Variants in CLSTN3 observed in about 807,000 individuals in gnomAD.
The protein encoded by CLSTN3 is calsyntenin 3.
Under a neutral mutation model 95.9 loss-of-function variants are expected in CLSTN3, and 36 were observed. That is an observed-to-expected ratio of 0.38 (90% CI 0.29 to 0.50). CLSTN3 has a LOEUF of 0.50. Among genes scored for constraint, CLSTN3 ranks in the 20% least tolerant of loss-of-function variants. The probability of loss-of-function intolerance (pLI) is 0.95; values close to 1 mark genes in which losing one functional copy is unlikely to be tolerated. For synonymous variants in CLSTN3, 481 were observed against 504.0 expected (o/e 0.95, Z 0.61); for missense variants, 1,084 against 1,268.8 (o/e 0.85, Z 2.21).
At chr12:7,135,708 A>G in intron 4 of CLSTN3, 96 bp from the exon 5 acceptor site, 11 of 1,468,438 alleles carry the variant, frequency 7.5e-6, no homozygotes, top group Non-Finnish European at 1.0e-5. Flanking sequence ...CCTGCTGCCT[A>G]ACCTGCCTGC....
Position 7,136,167 on chromosome 12 carries a change from TTC to T in CLSTN3, c.743-32_743-31del, listed in dbSNP as rs377400039. 9.6e-4 allele frequency: 1,528 copies of T among 1,596,046 alleles called. 24 individuals are homozygous for T. In the South Asian group the frequency reaches 0.016, roughly 17 times the overall value. On this transcript the variant is annotated intron_variant, in intron 5 of 17. Transcript: ENST00000266546. ...ATGGAGAGGGGAGGCTGCTTTACCCTTCTCTCTCCCCATCACCCTCTCTGTCT... is the reference window on the plus strand; with the variant it reads ...ATGGAGAGGGGAGGCTGCTTTACCCTTCTCTCCCCATCACCCTCTCTGTCT...
At chr12:7,136,594 A>G (rs1939427484) in intron 6 of CLSTN3, among the ~76,000 whole-genome samples, 1 of 152,194 alleles carries the variant, frequency 6.6e-6, no homozygotes, top group South Asian at 2.1e-4. Context: ...CCAGACAGTC[A>G]CCGGATGCAT....
rs11054494 is a variant in CLSTN3 at position 7,136,592 on chromosome 12, T to A, written c.928+201T>A. Among the ~76,000 whole-genome samples the A allele has an allele frequency of 2.7e-3, 407 of 152,330 alleles. 17 individuals are homozygous for A. The East Asian group carries it at 0.075, about 28-fold the overall frequency. On this transcript the variant is annotated intron_variant, in intron 6 of 17. Transcript: ENST00000266546. ...GATGCATAGTCATCGCACCAGACAG[T>A]CACCGGATGCATGGTGGAACAATGG...
chr12:7,156,727 G>A (rs964899311), intron 16 of CLSTN3: 1 of 456,682 alleles, frequency 2.2e-6, no homozygotes, highest in Non-Finnish European at 4.4e-6. Context: ...TGAACGCACC[G>A]TTCTGTGTCT....
At chr12:7,130,347 T>A, upstream of CLSTN3, 44 of 1,111,786 alleles carry the variant, frequency 4.0e-5, no homozygotes, top group East Asian at 2.2e-4. Flanking sequence ...GCCCCATCAA[T>A]CGTTGCCCGG....
Position 7,141,369 on chromosome 12 carries a change from G to A in CLSTN3, c.1451G>A (p.Arg484Lys). ...AATGGCCTCATCCACCCACCCCGAA[G>A]GGAGCCTGCTCTCATGATTGGGGCC... is the stretch of plus-strand genomic sequence containing the variant. ...HDNGLIHPPR[R>K]EPALMIGACW... The change falls in exon 9 of 18, where the codon AGG becomes AAG. Residue 484 changes from arginine to lysine, a missense_variant. Coordinates refer to ENST00000266546, the MANE Select transcript of CLSTN3 (RefSeq NM_014718.4). This position sits in a 1 kb window ranked among gnomAD's most constrained non-coding sequence, Gnocchi z 4.1. 1.2e-6 allele frequency: 2 copies of A among 1,614,186 alleles called. No individual in the cohort carries two copies. Among genetic ancestry groups the A allele is most frequent in the South Asian group, 1.1e-5 (1 of 91,084 alleles).
chr12:7,141,928 G>A lies in CLSTN3; in HGVS notation c.1487-158G>A, dbSNP rs747146877. On this transcript the variant is annotated intron_variant, in intron 9 of 17. Coordinates refer to ENST00000266546, the MANE Select transcript of CLSTN3 (RefSeq NM_014718.4). The surrounding 1 kb of genome is among the most constrained non-coding windows in gnomAD (Gnocchi z 4.1). ...ACATGACAAAAGAAGGGTTGGGGCT[G>A]AGCTGAGAGGTTGCAAGTTATACAT... Among the ~76,000 whole-genome samples the A allele has an allele frequency of 5.4e-4, 83 of 152,300 alleles. No individual in the cohort carries two copies. Among genetic ancestry groups the A allele is most frequent in the African/African-American group, 1.9e-3 (81 of 41,554 alleles).
At chr12:7,131,355 G>A in intron 1 of CLSTN3, 1 of 230,736 alleles carries the variant, frequency 4.3e-6, no homozygotes, top group South Asian at 6.1e-5. Flanking sequence ...AGAGGGCTCA[G>A]GTAGGTGGAA....
At position 7,135,934 on chromosome 12, in the gene CLSTN3, C is replaced by G. The variant is rs759876732; in HGVS notation, c.723C>G (p.Thr241=). 9 of 1,611,138 alleles carry G rather than the reference C, an allele frequency of 5.6e-6. No homozygotes were observed. In the East Asian group the frequency reaches 2.0e-4, roughly 36 times the overall value. The part of the protein sequence containing the change: ...DAEVEIQVKP[T]CKPSWQGWNK... ...AGGTGGAGATTCAGGTGAAGCCCAC[C>G]TGTAAACCCAGCTGGCAAGGTGAGA... is the stretch of plus-strand genomic sequence containing the variant. Residue 241 remains threonine, a synonymous_variant, in exon 5 of 18, where the codon ACC becomes ACG. Coordinates refer to ENST00000266546, the MANE Select transcript of CLSTN3 (RefSeq NM_014718.4).
In CLSTN3 at chr12:7,131,059, A is replaced by G. The variant is rs1004683694; in HGVS notation, c.64+347A>G. ...GGGAAGGACTGCCCCCGAGCCGGTGATAGGCCTCTCCCCGCGGCTCTCCCT... is the reference window on the plus strand; with the variant it reads ...GGGAAGGACTGCCCCCGAGCCGGTGGTAGGCCTCTCCCCGCGGCTCTCCCT... On this transcript the variant is annotated intron_variant, in intron 1 of 17. Transcript: ENST00000266546. The G allele has an allele frequency of 5.5e-5, 24 of 439,166 alleles. No individual in the cohort carries two copies. In the East Asian group the frequency reaches 1.1e-3, roughly 20 times the overall value. 27.2% of individuals were successfully genotyped at this position (439,166 alleles called of 1,614,324 possible).
In CLSTN3 at chr12:7,157,955, G is replaced by T; in HGVS notation, c.2745G>T (p.Arg915=). ...CTGCCCTCCAGTCCTACCAGAATCG[G>T]CAGTCCTGTGTGACGGGGGCTGTTG... ...IVNPMESYQN[R]QSCVTGAVGG... The change falls in exon 18 of 18, where the codon CGG becomes CGT. Residue 915 remains arginine (R), a synonymous_variant. Coordinates refer to ENST00000266546, the MANE Select transcript of CLSTN3 (RefSeq NM_014718.4). This position sits in a 1 kb window ranked among gnomAD's most constrained non-coding sequence, Gnocchi z 5.9. 2.6e-6 allele frequency: 4 copies of T among 1,551,096 alleles called. No homozygotes were observed. The highest frequency in any genetic ancestry group is 3.5e-6 in the Non-Finnish European group (4 of 1,146,940).
At chr12:7,153,845 C>A (rs1370113308) in intron 16 of CLSTN3, among the ~76,000 whole-genome samples, 2 of 152,166 alleles carry the variant, frequency 1.3e-5, no homozygotes, top group Non-Finnish European at 2.9e-5. Flanking sequence ...AGGAGCCCAG[C>A]ACCTTCTCCC....
Position 7,135,522 on chromosome 12 carries a change from C to A in CLSTN3, c.579C>A (p.Leu193=). 1.2e-5 allele frequency: 19 copies of A among 1,614,142 alleles called. No individual in the cohort carries two copies. Among genetic ancestry groups the A allele is most frequent in the Non-Finnish European group, 1.6e-5 (19 of 1,180,014 alleles). The change falls in exon 4 of 18, where the codon CTC becomes CTA. Residue 193 remains leucine, a synonymous_variant. Coordinates refer to ENST00000266546, the MANE Select transcript of CLSTN3 (RefSeq NM_014718.4). The part of the protein sequence containing the change: ...YEILTPNTPF[L]IDNDGNIENT... ...TTCTCACACCCAACACCCCTTTCCT[C>A]ATTGACAATGACGGTGAGTCCACCC...
chr12:7,151,418 C>G (rs1274627919), intron 16 of CLSTN3, among the ~76,000 whole-genome samples: 2 of 152,138 alleles, frequency 1.3e-5, no homozygotes, highest in African/African-American at 4.8e-5. Flanking sequence ...GTGAAACTAT[C>G]AAGTATTTAC....
intron 12 of CLSTN3, among the ~76,000 whole-genome samples, chr12:7,147,090 C>T (rs965055541): frequency 3.3e-5 from 5 of 152,134 alleles, no homozygotes; most frequent in South Asian, 4.1e-4. Context: ...AAATCATTTC[C>T]GCTAGCACCA....
At chr12:7,144,714 G>A (rs1355180569) in intron 12 of CLSTN3, among the ~76,000 whole-genome samples, 2 of 152,170 alleles carry the variant, frequency 1.3e-5, no homozygotes, top group South Asian at 2.1e-4. Flanking sequence ...TGAGCTATAT[G>A]AAGATAAACA....
intron 12 of CLSTN3, among the ~76,000 whole-genome samples, chr12:7,147,621 C>A (rs777208142): frequency 6.6e-6 from 1 of 150,636 alleles, no homozygotes; most frequent in Admixed American, 6.6e-5. Context: ...CTCAAGTGTT[C>A]CTTCCACCTC....
chr12:7,137,859 G>A lies in CLSTN3; in HGVS notation c.1211-96G>A. 1.3e-6 allele frequency: 1 copy of A among 751,972 alleles called. No individual in the cohort carries two copies. The highest frequency in any genetic ancestry group is 2.2e-6 in the Non-Finnish European group (1 of 460,848). The allele number at this position is 751,972 out of a possible 1,614,324, so 46.6% of individuals were successfully genotyped here. On this transcript the variant is annotated intron_variant, in intron 7 of 17. Coordinates refer to ENST00000266546, the MANE Select transcript of CLSTN3 (RefSeq NM_014718.4). This position sits in a 1 kb window ranked among gnomAD's most constrained non-coding sequence, Gnocchi z 4.4. ...GCTAGAGAACGAGGGAATGAGAGAG[G>A]ATTAAGAGAATCCAACATCCTCTCC...
chr12:7,132,937 G>C (rs764216346), intron 1 of CLSTN3, 87 bp from the exon 2 acceptor site: 5 of 1,582,522 alleles, frequency 3.2e-6, no homozygotes, highest in Non-Finnish European at 4.3e-6. Context: ...GTGCTGGGGT[G>C]TGAGTTGTCT....
Sources: gnomAD v4.1 joint callset for allele counts (sites outside exome capture counted in the v4.1 genomes callset) on GRCh38, gnomAD v4.1.1 for gene constraint, Gnocchi (gnomAD v3.1) non-coding constraint, MANE v1.5 for transcripts, NCBI Gene and HGNC (gene_info 2026-07-23, HGNC 2026-07-21) for gene names.